Variants in NDC80 observed in about 807,000 individuals in gnomAD.
The protein encoded by NDC80 is NDC80 kinetochore complex component, also known as kinetochore protein NDC80 homolog.
NDC80 carries 69 observed loss-of-function variants against 89.3 expected under a neutral mutation model. That is an observed-to-expected ratio of 0.77 (90% CI 0.64 to 0.94). The LOEUF (loss-of-function observed/expected upper bound fraction) is 0.94, where lower values mean the gene tolerates loss of function less well. NDC80 is among the 40% of genes least tolerant of loss of function. The probability of loss-of-function intolerance (pLI) is 0.00; values close to 1 mark genes in which losing one functional copy is unlikely to be tolerated. For synonymous variants in NDC80, 243 were observed against 255.6 expected (o/e 0.95, Z 0.47); for missense variants, 593 against 739.6 (o/e 0.80, Z 2.30).
intron 7 of NDC80, among the ~76,000 whole-genome samples, chr18:2,587,492 A>C (rs2072608146): frequency 6.6e-6 from 1 of 152,182 alleles, no homozygotes; most frequent in South Asian, 2.1e-4. Flanking sequence ...AAAGATGATT[A>C]AGTTTGTGCA....
chr18:2,583,517 A>G (rs930538691), intron 6 of NDC80, among the ~76,000 whole-genome samples: 1 of 152,096 alleles, frequency 6.6e-6, no homozygotes, highest in Non-Finnish European at 1.5e-5. Context: ...CCTGGCCAAT[A>G]TAGTGAAACC....
intron 15 of NDC80, among the ~76,000 whole-genome samples, chr18:2,609,447 G>A (rs974047131): frequency 6.6e-6 from 1 of 152,080 alleles, no homozygotes; most frequent in African/African-American, 2.4e-5. Context: ...AGAATCACTT[G>A]AGAAGTTCAA....
intron 11 of NDC80, among the ~76,000 whole-genome samples, chr18:2,598,354 A>G (rs1041527980): frequency 1.3e-5 from 2 of 152,246 alleles, no homozygotes; most frequent in Admixed American, 6.5e-5. Flanking sequence ...TGCTGAGGAT[A>G]GAGCTGTTTT....
chr18:2,597,415 T>C (rs995221847), intron 11 of NDC80, among the ~76,000 whole-genome samples: 1 of 152,118 alleles, frequency 6.6e-6, no homozygotes, highest in Non-Finnish European at 1.5e-5. Context: ...TAATAAGAAA[T>C]TACTATCATT....
intron 14 of NDC80, 32 bp from the exon 15 acceptor site, chr18:2,608,668 A>G (rs2072727559): frequency 1.9e-6 from 3 of 1,588,338 alleles, no homozygotes. Flanking sequence ...GTGAATATCA[A>G]GAAACCCATA....
intron 14 of NDC80, among the ~76,000 whole-genome samples, chr18:2,608,321 TCA>T (rs2072725856): frequency 6.6e-6 from 1 of 151,964 alleles, no homozygotes; most frequent in African/African-American, 2.4e-5. Flanking sequence ...TTCTCATGTC[TCA>T]GCCTCATGAG....
At chr18:2,613,564 T>C (rs2072756335) in intron 16 of NDC80, among the ~76,000 whole-genome samples, 1 of 152,222 alleles carries the variant, frequency 6.6e-6, no homozygotes, top group African/African-American at 2.4e-5. Context: ...GTTGGATCCC[T>C]ACCTTAAACT....
intron 16 of NDC80, among the ~76,000 whole-genome samples, chr18:2,616,143 G>A (rs1375050116): frequency 6.6e-6 from 1 of 152,020 alleles, no homozygotes; most frequent in Admixed American, 6.6e-5. Context: ...TCCTGCCTCA[G>A]CCTCTTGCAT....
intron 6 of NDC80, among the ~76,000 whole-genome samples, chr18:2,579,771 ATATG>A (rs1334612191): frequency 6.6e-6 from 1 of 152,174 alleles, no homozygotes; most frequent in East Asian, 1.9e-4. Flanking sequence ...GCAAAGTACT[ATATG>A]TATGTTTTTT....
intron 1 of NDC80, among the ~76,000 whole-genome samples, chr18:2,571,963 G>C (rs568115152): frequency 6.6e-6 from 1 of 152,268 alleles, no homozygotes; most frequent in Non-Finnish European, 1.5e-5. Flanking sequence ...ATTGAAGGGG[G>C]CGGAAAGAGA....
chr18:2,578,038 T>C lies in NDC80; in HGVS notation c.373T>C (p.Phe125Leu). 1 of 1,613,972 alleles carries C rather than the reference T, an allele frequency of 6.2e-7. No individual in the cohort carries two copies. Among genetic ancestry groups the C allele is most frequent in the East Asian group, 2.2e-5 (1 of 44,868 alleles). Residue 125 changes from phenylalanine to leucine, a missense_variant, in exon 5 of 17, where the codon TTC (phenylalanine) becomes CTC (leucine). Transcript: ENST00000261597. ...KSLQAPSVKD[F>L]LKIFTFLYGF... Reference sequence around the variant, plus strand: ...TCTACAAGCTCCCTCTGTTAAAGACTTCCTGAAGATCTTCACATTTCTTTA... The same window carrying C: ...TCTACAAGCTCCCTCTGTTAAAGACCTCCTGAAGATCTTCACATTTCTTTA...
At chr18:2,583,855 C>G (rs1254136227) in intron 6 of NDC80, among the ~76,000 whole-genome samples, 5 of 152,166 alleles carry the variant, frequency 3.3e-5, no homozygotes, top group African/African-American at 1.2e-4. Flanking sequence ...GCAAACAACT[C>G]TAGGCTGAGG....
chr18:2,610,640 C>T (rs1256358063), intron 15 of NDC80, 119 bp from the exon 16 acceptor site: 1 of 532,660 alleles, frequency 1.9e-6, no homozygotes, highest in South Asian at 3.3e-5. Context: ...ATATAGTATG[C>T]AGCACATAAA....
intron 6 of NDC80, among the ~76,000 whole-genome samples, chr18:2,583,627 G>A (rs1270187055): frequency 2.6e-5 from 4 of 151,702 alleles, no homozygotes; most frequent in Non-Finnish European, 4.4e-5. Flanking sequence ...AACCCAGGAA[G>A]CGGAGGTTGC....
intron 16 of NDC80, among the ~76,000 whole-genome samples, chr18:2,614,038 T>C (rs1336635115): frequency 1.3e-5 from 2 of 152,144 alleles, no homozygotes; most frequent in African/African-American, 2.4e-5. Context: ...ACTTAAGAAA[T>C]TGGCAAAAAT....
rs1033483082 is a variant in NDC80, at chr18:2,584,657, C to G, written c.580-456C>G. ...TCATCTAAAGTTCATATTGTACATA[C>G]TGAAGGAGTTACTCGATTAACATTT... On this transcript the variant is annotated intron_variant, in intron 6 of 16. Coordinates refer to ENST00000261597, the MANE Select transcript of NDC80 (RefSeq NM_006101.3). Among the ~76,000 whole-genome samples the G allele has an allele frequency of 3.3e-5, 5 of 152,148 alleles. No homozygotes were observed. In the East Asian group the frequency reaches 7.7e-4, roughly 23 times the overall value.
chr18:2,589,101 C>A, intron 8 of NDC80, 103 bp from the exon 9 acceptor site: 1 of 745,062 alleles, frequency 1.3e-6, no homozygotes, highest in Non-Finnish European at 2.4e-6. Context: ...GTGTTTTGGG[C>A]AGAGACCAGA....
At chr18:2,610,457 G>A (rs966175035) in intron 15 of NDC80, among the ~76,000 whole-genome samples, 3 of 152,062 alleles carry the variant, frequency 2.0e-5, no homozygotes, top group African/African-American at 7.2e-5. Flanking sequence ...TTTTTGTCTT[G>A]CCCAGAAAGC....
chr18:2,613,670 AG>A (rs1245113456), intron 16 of NDC80, among the ~76,000 whole-genome samples: 4 of 152,226 alleles, frequency 2.6e-5, no homozygotes, highest in African/African-American at 9.6e-5. Context: ...TTTATACTTT[AG>A]GGGTTGTAAA....
Sources: allele counts gnomAD v4.1 joint callset (sites outside exome capture counted in the v4.1 genomes callset), GRCh38; gene constraint gnomAD v4.1.1; transcripts MANE v1.5; gene names NCBI Gene and HGNC (gene_info 2026-07-23, HGNC 2026-07-21).